AKAP6: variants seen among roughly 807,000 people sequenced by gnomAD.
The protein encoded by AKAP6 is A-kinase anchor protein 6.
In AKAP6, 58 loss-of-function variants were observed where a neutral mutation model predicts 188.5. The ratio of observed to expected loss-of-function variants is 0.31; its 90% confidence interval spans 0.25 to 0.38. AKAP6 has a LOEUF of 0.38. Ranked by LOEUF, AKAP6 falls within the 10% of genes least tolerant of loss-of-function variation. The probability of loss-of-function intolerance (pLI) is 1.00; values close to 1 mark genes in which losing one functional copy is unlikely to be tolerated. For synonymous variants in AKAP6, 989 were observed against 998.6 expected (o/e 0.99, Z 0.18); for missense variants, 2,710 against 2,740.0 (o/e 0.99, Z 0.24).
intron 1 of AKAP6, among the ~76,000 whole-genome samples, chr14:32,365,616 C>T (rs1887807356): frequency 6.6e-6 from 1 of 152,146 alleles, no homozygotes. Flanking sequence ...CCATGGGTGC[C>T]ACTCCTGGGC....
intron 1 of AKAP6, among the ~76,000 whole-genome samples, chr14:32,420,000 A>G (rs913968253): frequency 2.6e-5 from 4 of 152,182 alleles, no homozygotes; most frequent in Non-Finnish European, 4.4e-5. Context: ...GAAATGCTCA[A>G]TGTACCTGAG....
chr14:32,739,023 G>A (rs1228089554), intron 11 of AKAP6, among the ~76,000 whole-genome samples: 1 of 152,084 alleles, frequency 6.6e-6, no homozygotes, highest in Admixed American at 6.6e-5. Context: ...AATAGATACA[G>A]TCTGTGTCAT....
intron 12 of AKAP6, among the ~76,000 whole-genome samples, chr14:32,781,355 A>G (rs1005929088): frequency 2.6e-4 from 40 of 151,940 alleles, no homozygotes; most frequent in African/African-American, 7.3e-4. Context: ...TCTCAAAAAA[A>G]AAAAAAAAGA....
At chr14:32,757,418 C>T (rs556914902) in intron 11 of AKAP6, among the ~76,000 whole-genome samples, 49 of 152,214 alleles carry the variant, frequency 3.2e-4, no homozygotes, top group African/African-American at 1.1e-3. Flanking sequence ...CTGAGAACGC[C>T]TCACTCCCAT....
At chr14:32,425,364 A>G (rs2138678864) in intron 1 of AKAP6, among the ~76,000 whole-genome samples, 2 of 152,234 alleles carry the variant, frequency 1.3e-5, no homozygotes, top group South Asian at 4.2e-4. Context: ...TGGGAAGTCA[A>G]GGTGGGCCAA....
chr14:32,385,931 A>G (rs1214430063), intron 1 of AKAP6, among the ~76,000 whole-genome samples: 1 of 148,696 alleles, frequency 6.7e-6, no homozygotes, highest in African/African-American at 2.5e-5. Context: ...TATAGTTCAT[A>G]TATTATATAT....
chr14:32,710,433 A>G (rs1284181976), intron 9 of AKAP6, among the ~76,000 whole-genome samples: 4 of 152,190 alleles, frequency 2.6e-5, no homozygotes, highest in Non-Finnish European at 4.4e-5. Flanking sequence ...GAAAACTGAC[A>G]TAAAGTTTTT....
chr14:32,347,157 G>A (rs9322895), intron 1 of AKAP6, among the ~76,000 whole-genome samples: 6,218 of 152,248 alleles, frequency 0.041, 388 homozygotes, highest in African/African-American at 0.13. Flanking sequence ...ATGTAAATCA[G>A]AAATCCTTTT....
chr14:32,689,952 G>A (rs1335530844), intron 8 of AKAP6, among the ~76,000 whole-genome samples: 1 of 151,866 alleles, frequency 6.6e-6, no homozygotes, highest in Non-Finnish European at 1.5e-5. Flanking sequence ...TAGGAAAATT[G>A]GATCATTTAA....
chr14:32,442,575 G>T (rs1381984276), intron 2 of AKAP6: 1 of 151,732 alleles, frequency 6.6e-6, no homozygotes, highest in Non-Finnish European at 1.5e-5. Context: ...CTGATCAGTA[G>T]TGGGATCACG....
intron 1 of AKAP6, among the ~76,000 whole-genome samples, chr14:32,412,210 A>G (rs1889511651): frequency 6.6e-6 from 1 of 152,194 alleles, no homozygotes; most frequent in African/African-American, 2.4e-5. Context: ...TAAAGACTTT[A>G]TTGAATTTTT....
chr14:32,603,860 T>G (rs1886030241), intron 7 of AKAP6, among the ~76,000 whole-genome samples: 1 of 152,118 alleles, frequency 6.6e-6, no homozygotes, highest in East Asian at 1.9e-4. Flanking sequence ...CAATGATATA[T>G]TTTTGAGTAT....
At chr14:32,794,776 C>A (rs2033714101) in intron 12 of AKAP6, among the ~76,000 whole-genome samples, 1 of 151,942 alleles carries the variant, frequency 6.6e-6, no homozygotes. Context: ...TAGCAGAAGA[C>A]AAGAAATAAC....
chr14:32,426,044 A>G (rs570996179), intron 1 of AKAP6, among the ~76,000 whole-genome samples: 3 of 152,334 alleles, frequency 2.0e-5, no homozygotes, highest in East Asian at 3.9e-4. Flanking sequence ...GGAAGGGTCC[A>G]GTTTTGATCT....
intron 2 of AKAP6, among the ~76,000 whole-genome samples, chr14:32,460,267 G>A (rs1451000393): frequency 1.3e-5 from 2 of 152,150 alleles, no homozygotes; most frequent in Admixed American, 6.5e-5. Flanking sequence ...GATAGAGAGG[G>A]AGACAGAGAG....
At chr14:32,617,827 C>T (rs1216239296) in intron 7 of AKAP6, among the ~76,000 whole-genome samples, 1 of 152,108 alleles carries the variant, frequency 6.6e-6, no homozygotes, top group Non-Finnish European at 1.5e-5. Flanking sequence ...AGGGTTTCGC[C>T]ATGTTGGCAG....
intron 7 of AKAP6, among the ~76,000 whole-genome samples, chr14:32,611,045 A>T (rs10735738): frequency 1.3e-5 from 2 of 151,902 alleles, no homozygotes; most frequent in African/African-American, 4.8e-5. Flanking sequence ...ACAATAATGA[A>T]AGGCAGGCCG....
At position 32,652,087 on chromosome 14, in the gene AKAP6, A is replaced by T. The variant is rs149978419; in HGVS notation, c.2731-26224A>T. 2.2e-3 allele frequency among the ~76,000 whole-genome samples: 329 copies of T among 152,192 alleles called. 2 individuals carry two copies. Among genetic ancestry groups the T allele is most frequent in the Non-Finnish European group, 2.8e-3 (192 of 67,990 alleles). ...TCGGTTTAGTGTCCACCCACTTTGCATGCTATGGTTCCATGCTCAATTGAC... is the reference window on the plus strand; with the variant it reads ...TCGGTTTAGTGTCCACCCACTTTGCTTGCTATGGTTCCATGCTCAATTGAC... On this transcript the variant is annotated intron_variant, in intron 7 of 13. Coordinates refer to ENST00000280979, the MANE Select transcript of AKAP6 (RefSeq NM_004274.5).
At chr14:32,600,858 A>T (rs1885898340) in intron 7 of AKAP6, 66 bp downstream of exon 7, 1 of 1,466,948 alleles carries the variant, frequency 6.8e-7, no homozygotes, top group East Asian at 2.4e-5. Context: ...GGCACCACTG[A>T]AGTTTTCTTT....
Sources: gnomAD v4.1 joint callset for allele counts (sites outside exome capture counted in the v4.1 genomes callset) on GRCh38, gnomAD v4.1.1 for gene constraint, MANE v1.5 for transcripts, NCBI Gene and HGNC (gene_info 2026-07-23, HGNC 2026-07-21) for gene names.